Variants in FAM200B observed in about 807,000 individuals in gnomAD.
FAM200B encodes protein FAM200B.
In FAM200B, 32 loss-of-function variants were observed where a neutral mutation model predicts 33.1. That is an observed-to-expected ratio of 0.97 (90% CI 0.73 to 1.30). The LOEUF (loss-of-function observed/expected upper bound fraction) is 1.30, where lower values mean the gene tolerates loss of function less well. Ranked by LOEUF, FAM200B falls within the 50% of genes most tolerant of loss-of-function variation. The pLI, the probability that FAM200B is intolerant of heterozygous loss-of-function variation, is 0.00. For synonymous variants in FAM200B, 240 were observed against 264.8 expected, an observed-to-expected ratio of 0.91 and a Z score of 0.91; for missense variants, 741 against 754.0, an observed-to-expected ratio of 0.98 and a Z score of 0.20.
At chr4:15,685,922 C>A (rs1401855879) in intron 1 of FAM200B, among the ~76,000 whole-genome samples, 4 of 152,010 alleles carry the variant, frequency 2.6e-5, no homozygotes, top group Non-Finnish European at 5.9e-5. Flanking sequence ...TGCGGCCAAG[C>A]AAAAAGGAAG....
chr4:15,670,641 C>G, the FAM200B span, among the ~76,000 whole-genome samples: 2 of 152,116 alleles, frequency 1.3e-5, no homozygotes, highest in African/African-American at 2.4e-5. Context: ...GGGCCCCTCC[C>G]CCCACAAAAG....
In FAM200B at chr4:15,688,215, A is replaced by G; in HGVS notation, c.1238A>G (p.Lys413Arg). ...NEIHFFLIEK[K>R]SHLASIFEDD... ...ATTCACTTTTTTCTCATTGAAAAAA[A>G]ATCTCATTTGGCAAGTATTTTTGAA... Residue 413 changes from lysine to arginine, a missense_variant, in exon 2 of 2, where the codon AAA (lysine) becomes AGA (arginine). Coordinates refer to ENST00000422728, the MANE Select transcript of FAM200B (RefSeq NM_001145191.2). The G allele has an allele frequency of 6.4e-7, 1 of 1,550,956 alleles. No individual in the cohort carries two copies. The highest frequency in any genetic ancestry group is 8.7e-7 in the Non-Finnish European group (1 of 1,146,580).
chr4:15,646,816 G>A, the FAM200B span, among the ~76,000 whole-genome samples: 24 of 151,244 alleles, frequency 1.6e-4, no homozygotes, highest in Non-Finnish European at 2.4e-4. Context: ...TTGTCCTTGC[G>A]ACAGTTTGCT....
At chr4:15,674,754 A>G in the FAM200B span, among the ~76,000 whole-genome samples, 1 of 151,302 alleles carries the variant, frequency 6.6e-6, no homozygotes, top group African/African-American at 2.4e-5. Context: ...CGTTCACACT[A>G]TTCTCCTGCC....
chr4:15,667,140 A>T, the FAM200B span, among the ~76,000 whole-genome samples: 1 of 152,206 alleles, frequency 6.6e-6, no homozygotes. Context: ...TAATGATTTG[A>T]ATCATGGGAC....
At chr4:15,682,145 C>T (rs1242041855) in intron 1 of FAM200B, 1 of 152,418 alleles carries the variant, frequency 6.6e-6, no homozygotes, top group Non-Finnish European at 1.5e-5. Context: ...TCAGGAGTCT[C>T]CTGGGAAGAG....
At chr4:15,674,528 A>G in the FAM200B span, among the ~76,000 whole-genome samples, 4 of 152,228 alleles carry the variant, frequency 2.6e-5, no homozygotes, top group South Asian at 8.3e-4. Flanking sequence ...ATTATATGTA[A>G]TCATAACTTT....
chr4:15,657,338 T>C, the FAM200B span, among the ~76,000 whole-genome samples: 44 of 152,326 alleles, frequency 2.9e-4, no homozygotes, highest in Middle Eastern at 6.8e-3. Context: ...TCAGTAAATA[T>C]GTTGGAAAAA....
At position 15,690,163 on chromosome 4, in the gene FAM200B, C is replaced by T. The variant is rs1054176942; in HGVS notation, c.*1212C>T. On this transcript the variant is annotated 3_prime_UTR_variant, in exon 2 of 2. Transcript: ENST00000422728. ...CATAACTGCTGTAACCATCCAGAAA[C>T]GGCATTGATGTTGCTTCACGTTGCT... 5 of 167,058 alleles carry T rather than the reference C, an allele frequency of 3.0e-5. No homozygotes were observed. Among genetic ancestry groups the T allele is most frequent in the Admixed American group, 1.3e-4 (2 of 15,278 alleles). The allele number at this position is 167,058 out of a possible 1,614,324, so 10.3% of individuals were successfully genotyped here.
chr4:15,673,116 GA>G, the FAM200B span, among the ~76,000 whole-genome samples: 3 of 152,002 alleles, frequency 2.0e-5, no homozygotes, highest in African/African-American at 7.2e-5. Context: ...GTTAACTTTT[GA>G]AAATATACAT....
the FAM200B span, among the ~76,000 whole-genome samples, chr4:15,645,436 C>CT: frequency 1.5e-4 from 22 of 150,948 alleles, no homozygotes; most frequent in Non-Finnish European, 2.1e-4. Flanking sequence ...TTCTTTCTTT[C>CT]TTTTTTTTTG....
At chr4:15,653,248 G>GA in the FAM200B span, among the ~76,000 whole-genome samples, 1 of 152,050 alleles carries the variant, frequency 6.6e-6, no homozygotes, top group Non-Finnish European at 1.5e-5. Flanking sequence ...ATGTCAAATT[G>GA]AAAATGCTTT....
At chr4:15,651,211 G>A in the FAM200B span, among the ~76,000 whole-genome samples, 1 of 152,104 alleles carries the variant, frequency 6.6e-6, no homozygotes, top group Admixed American at 6.6e-5. Flanking sequence ...AAAAAATGAT[G>A]ACCCACAGGT....
rs1719139591 is a variant in FAM200B at position 15,688,816 on chromosome 4, A to G, written c.1839A>G (p.Leu613=). Reference sequence around the variant, plus strand: ...TCACAACAACTAGTTTGTGTGAACTAGGGTTTTCCATCTTAACGCAGTTAA... The same window carrying G: ...TCACAACAACTAGTTTGTGTGAACTGGGGTTTTCCATCTTAACGCAGTTAA... The part of the protein sequence containing the change: ...LPFTTTSLCE[L]GFSILTQLKT... Residue 613 remains leucine (L), a synonymous_variant, in exon 2 of 2, where the codon CTA becomes CTG. Transcript: ENST00000422728. 6.4e-7 allele frequency: 1 copy of G among 1,551,510 alleles called. No individual in the cohort carries two copies. The highest frequency in any genetic ancestry group is 8.7e-7 in the Non-Finnish European group (1 of 1,146,852).
chr4:15,688,294 T>G lies in FAM200B; in HGVS notation c.1317T>G (p.Leu439=). The change falls in exon 2 of 2, where the codon CTT becomes CTG. Residue 439 remains leucine, a synonymous_variant. Transcript: ENST00000422728. ...ATTTAACTGATATTTTTAGCATTCT[T>G]AATGAACTGAGTTTAAAACTACAGG... ...LAYLTDIFSI[L]NELSLKLQGK... is the part of the protein sequence containing the mutation. 6.5e-7 allele frequency: 1 copy of G among 1,549,072 alleles called. No homozygotes were observed. The highest frequency in any genetic ancestry group is 8.7e-7 in the Non-Finnish European group (1 of 1,144,738).
intron 1 of FAM200B, among the ~76,000 whole-genome samples, chr4:15,682,489 C>T (rs976166421): frequency 5.3e-5 from 8 of 152,198 alleles, no homozygotes; most frequent in African/African-American, 1.7e-4. Flanking sequence ...CATTCTCTTT[C>T]CTTTTGCCTA....
upstream of FAM200B, chr4:15,681,647 G>C (rs570802701): frequency 5.4e-4 from 83 of 152,630 alleles, 1 homozygote; most frequent in African/African-American, 1.9e-3. Flanking sequence ...AATCCCGCGA[G>C]ACTGCCGACA....
chr4:15,662,160 A>G, the FAM200B span, among the ~76,000 whole-genome samples: 118 of 150,488 alleles, frequency 7.8e-4, no homozygotes, highest in Non-Finnish European at 1.3e-3. Flanking sequence ...TGCTTACACA[A>G]TGGTGTACCT....
At chr4:15,672,826 T>A in the FAM200B span, among the ~76,000 whole-genome samples, 1 of 152,206 alleles carries the variant, frequency 6.6e-6, no homozygotes, top group African/African-American at 2.4e-5. Flanking sequence ...TTTTTGACTC[T>A]CTTGTAATAA....
Sources: allele counts gnomAD v4.1 joint callset (sites outside exome capture counted in the v4.1 genomes callset), GRCh38; gene constraint gnomAD v4.1.1; transcripts MANE v1.5; gene names NCBI Gene and HGNC (gene_info 2026-07-23, HGNC 2026-07-21).